CCNY: variants seen among roughly 807,000 people sequenced by gnomAD.
CCNY encodes the protein cyclin-Y.
CCNY carries 19 observed loss-of-function variants against 42.8 expected under a neutral mutation model. The ratio of observed to expected loss-of-function variants is 0.44; its 90% CI spans 0.31 to 0.65. The LOEUF (loss-of-function observed/expected upper bound fraction) is 0.65, where lower values mean the gene tolerates loss of function less well. CCNY is among the 30% of genes least tolerant of loss of function. CCNY has a pLI of 0.07. For synonymous variants in CCNY, 165 were observed against 162.7 expected (o/e 1.01, Z -0.11); for missense variants, 370 against 437.3 (o/e 0.85, Z 1.37).
intron 1 of CCNY, among the ~76,000 whole-genome samples, chr10:35,419,833 A>G (rs1048864732): frequency 6.6e-6 from 1 of 151,980 alleles, no homozygotes; most frequent in Non-Finnish European, 1.5e-5. Context: ...TTCATACAGC[A>G]TTGTGACTGC....
chr10:35,368,771 T>C (rs1043964197), intron 1 of CCNY, among the ~76,000 whole-genome samples: 1 of 137,554 alleles, frequency 7.3e-6, no homozygotes, highest in Non-Finnish European at 1.6e-5. Context: ...GGTAGAAGCT[T>C]TCTGATGTGG....
intron 1 of CCNY, among the ~76,000 whole-genome samples, chr10:35,449,532 A>G (rs1838869343): frequency 6.6e-6 from 1 of 151,788 alleles, no homozygotes; most frequent in South Asian, 2.1e-4. Context: ...AATAGAGGGA[A>G]GGCTGCAGAG....
In CCNY at chr10:35,337,137, A is replaced by C. The variant is rs1263887571; in HGVS notation, c.84A>C (p.Pro28=). 2 of 1,588,434 alleles carry C rather than the reference A, an allele frequency of 1.3e-6. No homozygotes were observed. The highest frequency in any genetic ancestry group is 2.7e-5 in the African/African-American group (2 of 72,886). The part of the protein sequence containing the change: ...NAHSRLESYR[P]DTDLSREDTG... ...ACTCCCGGCTGGAGTCCTACCGGCC[A>C]GACACGGACCTGAGCCGCGAGGACA... The change falls in exon 1 of 10, where the codon CCA becomes CCC. Residue 28 remains proline, a synonymous_variant. Transcript: ENST00000374704.
intron 3 of CCNY, among the ~76,000 whole-genome samples, chr10:35,323,084 C>T (rs567551097): frequency 2.0e-5 from 3 of 152,236 alleles, no homozygotes; most frequent in South Asian, 2.1e-4. Context: ...TGCCACCATG[C>T]GTGGCAAATT....
chr10:35,281,048 G>A (rs1042047994), intron 3 of CCNY, among the ~76,000 whole-genome samples: 12 of 152,010 alleles, frequency 7.9e-5, no homozygotes, highest in Non-Finnish European at 1.5e-4. Context: ...ACAATCAAAC[G>A]CCACTTCACA....
At chr10:35,259,495 GTTTTTTTT>G (rs35988898) in intron 3 of CCNY, among the ~76,000 whole-genome samples, 24 of 65,154 alleles carry the variant, frequency 3.7e-4, no homozygotes, top group Non-Finnish European at 6.1e-4. Flanking sequence ...AGTCCTGGTT[GTTTTTTTT>G]TTTTTTTTTT....
chr10:35,252,331 C>T (rs1239023907), intron 3 of CCNY, among the ~76,000 whole-genome samples: 2 of 151,846 alleles, frequency 1.3e-5, no homozygotes, highest in Non-Finnish European at 2.9e-5. Context: ...TTTGGGAGGC[C>T]GAGGTGGGCA....
At chr10:35,366,920 A>G (rs1218398058) in intron 1 of CCNY, among the ~76,000 whole-genome samples, 1 of 152,244 alleles carries the variant, frequency 6.6e-6, no homozygotes, top group Non-Finnish European at 1.5e-5. Context: ...ATTGAGGGCT[A>G]CCATTGCTAA....
chr10:35,570,221 A>G lies in CCNY; in HGVS notation c.*1051A>G, dbSNP rs988101574. 1 of 152,606 alleles carries G rather than the reference A, an allele frequency of 6.6e-6. No individual in the cohort carries two copies. The highest frequency in any genetic ancestry group is 2.4e-5 in the African/African-American group (1 of 41,468). 9.5% of individuals were successfully genotyped at this position (152,606 alleles called of 1,614,324 possible). On this transcript the variant is annotated 3_prime_UTR_variant, in exon 10 of 10. Transcript: ENST00000374704. ...TTTGTATAAAATTTTTAAAAAATCT[A>G]AAAGAAAAAGAAAAAAAACAAGGGT...
chr10:35,381,471 C>T (rs1008599408), intron 1 of CCNY, among the ~76,000 whole-genome samples: 5 of 150,596 alleles, frequency 3.3e-5, no homozygotes, highest in Admixed American at 2.0e-4. Context: ...TGGGCTGGGA[C>T]AGGAGAATTG....
intron 1 of CCNY, among the ~76,000 whole-genome samples, chr10:35,452,862 GT>G (rs1363228249): frequency 6.6e-6 from 1 of 150,972 alleles, no homozygotes; most frequent in Admixed American, 6.6e-5. Context: ...CATTTCTTCT[GT>G]TTTTTAAAAG....
intron 1 of CCNY, among the ~76,000 whole-genome samples, chr10:35,383,768 A>T (rs753454137): frequency 2.0e-5 from 3 of 152,182 alleles, no homozygotes; most frequent in Admixed American, 6.5e-5. Flanking sequence ...TTAACATAAT[A>T]GTCCTAGATG....
At chr10:35,476,047 C>A (rs1341083782) in intron 1 of CCNY, among the ~76,000 whole-genome samples, 7 of 152,202 alleles carry the variant, frequency 4.6e-5, no homozygotes, top group Admixed American at 3.9e-4. Context: ...AAGGCCATTA[C>A]ATAATGGTAA....
In CCNY at chr10:35,502,799, T is replaced by C. The variant is rs114770609; in HGVS notation, c.264+1264T>C. ...ACCTGGATATAAAAATTTGAGCGAT[T>C]GGAACGAATTCTCTAAATCCTTGCT... is the stretch of plus-strand genomic sequence containing the variant. On this transcript the variant is annotated intron_variant, in intron 3 of 9. Coordinates refer to ENST00000374704, the MANE Select transcript of CCNY (RefSeq NM_145012.6). Among the ~76,000 whole-genome samples, 1,070 of 152,288 alleles carry C rather than the reference T, an allele frequency of 7.0e-3. 11 individuals are homozygous for C. Among genetic ancestry groups the C allele is most frequent in the African/African-American group, 0.025 (1,020 of 41,550 alleles).
At chr10:35,509,728 C>T (rs974887230) in intron 3 of CCNY, among the ~76,000 whole-genome samples, 5 of 152,320 alleles carry the variant, frequency 3.3e-5, no homozygotes, top group South Asian at 2.1e-4. Flanking sequence ...CTCTCCCAGC[C>T]GGGTGCCTTC....
chr10:35,335,705 A>C (rs533349750), upstream of CCNY, among the ~76,000 whole-genome samples: 3 of 152,278 alleles, frequency 2.0e-5, no homozygotes, highest in African/African-American at 7.2e-5. Flanking sequence ...GTTAACACAC[A>C]CACACACACA....
intron 7 of CCNY, 124 bp from the exon 8 acceptor site, chr10:35,552,895 A>G (rs1207064495): frequency 9.8e-6 from 10 of 1,016,730 alleles, no homozygotes; most frequent in Non-Finnish European, 1.5e-5. Context: ...TTAAAAATAA[A>G]TGTGATTGGG....
upstream of CCNY, chr10:35,332,564 C>T (rs1212408407): frequency 6.6e-6 from 1 of 152,210 alleles, no homozygotes; most frequent in African/African-American, 2.4e-5. Context: ...AACAAAGCTA[C>T]TATTGCTAAA....
At chr10:35,375,658 T>TA (rs1427189034) in intron 1 of CCNY, among the ~76,000 whole-genome samples, 1 of 152,246 alleles carries the variant, frequency 6.6e-6, no homozygotes, top group Non-Finnish European at 1.5e-5. Flanking sequence ...AGGGAAGTCT[T>TA]AGTTTTTGCT....
Sources: gnomAD v4.1 joint callset for allele counts (sites outside exome capture counted in the v4.1 genomes callset) on GRCh38, gnomAD v4.1.1 for gene constraint, MANE v1.5 for transcripts, NCBI Gene and HGNC (gene_info 2026-07-23, HGNC 2026-07-21) for gene names.